Variants in GRM5 observed in about 807,000 individuals in gnomAD.
The protein encoded by GRM5 is glutamate metabotropic receptor 5, also known as metabotropic glutamate receptor 5.
Under a neutral mutation model 83.1 loss-of-function variants are expected in GRM5, and 19 were observed. The observed-to-expected ratio is 0.23, with a 90% CI of 0.16 to 0.34. The LOEUF (loss-of-function observed/expected upper bound fraction) is 0.34. Among genes scored for constraint, GRM5 ranks in the 10% least tolerant of loss-of-function variants. The pLI, the probability that GRM5 is intolerant of heterozygous loss-of-function variation, is 1.00. For synonymous variants in GRM5, 675 were observed against 633.6 expected (o/e 1.07, Z -0.98); for missense variants, 1,160 against 1,588.3 (o/e 0.73, Z 4.58).
intron 3 of GRM5, among the ~76,000 whole-genome samples, chr11:88,788,527 T>C (rs993475054): frequency 8.5e-5 from 13 of 152,306 alleles, no homozygotes; most frequent in Non-Finnish European, 1.9e-4. Context: ...TATCATTTTA[T>C]ATTTTATTCC....
chr11:88,642,826 G>A (rs777125707), intron 4 of GRM5, among the ~76,000 whole-genome samples: 11 of 151,954 alleles, frequency 7.2e-5, no homozygotes, highest in South Asian at 2.1e-4. Context: ...GACTTTATCC[G>A]CCTGAATTTC....
At chr11:88,682,961 A>G (rs1940532293) in intron 3 of GRM5, among the ~76,000 whole-genome samples, 1 of 151,558 alleles carries the variant, frequency 6.6e-6, no homozygotes, top group South Asian at 2.1e-4. Flanking sequence ...TAATCAGCTG[A>G]CATGTTAGGC....
intron 2 of GRM5, among the ~76,000 whole-genome samples, chr11:88,987,742 A>T (rs1270280516): frequency 6.6e-6 from 1 of 151,890 alleles, no homozygotes; most frequent in East Asian, 1.9e-4. Flanking sequence ...ACCCCCCAGC[A>T]GGGGCACACT....
chr11:88,781,371 C>A (rs953960301), intron 3 of GRM5, among the ~76,000 whole-genome samples: 1 of 151,966 alleles, frequency 6.6e-6, no homozygotes. Flanking sequence ...TGGAGATGGA[C>A]CTCACAAGAT....
At chr11:88,679,633 C>A (rs556268105) in intron 3 of GRM5, among the ~76,000 whole-genome samples, 3 of 152,152 alleles carry the variant, frequency 2.0e-5, no homozygotes, top group African/African-American at 7.2e-5. Context: ...TATCCTGGGG[C>A]TCAAATACTT....
chr11:88,759,305 C>T (rs983643639), intron 3 of GRM5, among the ~76,000 whole-genome samples: 1 of 151,974 alleles, frequency 6.6e-6, no homozygotes, highest in African/African-American at 2.4e-5. Context: ...AAGCAAGACC[C>T]AATGTACGGT....
chr11:88,745,965 G>A (rs1005089738), intron 3 of GRM5, among the ~76,000 whole-genome samples: 3 of 152,080 alleles, frequency 2.0e-5, no homozygotes, highest in Non-Finnish European at 2.9e-5. Flanking sequence ...TCTTTAAAAC[G>A]AACCTAAGAT....
chr11:89,008,827 T>C (rs1940602729), intron 2 of GRM5, among the ~76,000 whole-genome samples: 1 of 152,062 alleles, frequency 6.6e-6, no homozygotes, highest in African/African-American at 2.4e-5. Flanking sequence ...TCAAGAAAAA[T>C]CATGTTTAGA....
intron 6 of GRM5, among the ~76,000 whole-genome samples, chr11:88,595,499 T>C (rs1937775191): frequency 6.6e-6 from 1 of 152,226 alleles, no homozygotes. Flanking sequence ...GAACACGTGA[T>C]GTTTAATTTT....
At chr11:88,711,372 C>T (rs1309501118) in intron 3 of GRM5, among the ~76,000 whole-genome samples, 2 of 152,058 alleles carry the variant, frequency 1.3e-5, no homozygotes, top group African/African-American at 4.8e-5. Context: ...TGTGTCAGCT[C>T]CCAAGGCACT....
chr11:89,013,599 T>G (rs2135095147), intron 2 of GRM5, among the ~76,000 whole-genome samples: 1 of 152,282 alleles, frequency 6.6e-6, no homozygotes, highest in African/African-American at 2.4e-5. Context: ...GAGGGCAGAC[T>G]TGCCCCATAC....
intron 7 of GRM5, among the ~76,000 whole-genome samples, chr11:88,585,004 C>G (rs1394507115): frequency 6.6e-6 from 1 of 152,150 alleles, no homozygotes; most frequent in Non-Finnish European, 1.5e-5. Flanking sequence ...ATGTCCTTCT[C>G]CCACCCTTCA....
intron 3 of GRM5, among the ~76,000 whole-genome samples, chr11:88,715,410 C>T (rs1433439499): frequency 7.1e-6 from 1 of 139,916 alleles, no homozygotes; most frequent in Non-Finnish European, 1.5e-5. Flanking sequence ...TTTTAATATC[C>T]CTCCCTGATG....
intron 2 of GRM5, among the ~76,000 whole-genome samples, chr11:88,887,404 G>T (rs1217245517): frequency 6.6e-6 from 1 of 152,050 alleles, no homozygotes. Flanking sequence ...CAACTATTAT[G>T]TAGTTTTTTT....
intron 2 of GRM5, among the ~76,000 whole-genome samples, chr11:88,986,727 C>CTTTTTTTTTTTTTTTTT: frequency 1.1e-5 from 1 of 93,116 alleles, no homozygotes; most frequent in Non-Finnish European, 2.0e-5. Context: ...TTTATTTTTG[C>CTTTTTTTTTTTTTTTTT]TTTTTTTTTT....
intron 2 of GRM5, among the ~76,000 whole-genome samples, chr11:89,019,823 CA>C (rs1940940629): frequency 6.6e-6 from 1 of 152,158 alleles, no homozygotes; most frequent in Non-Finnish European, 1.5e-5. Context: ...AACAGGAAGA[CA>C]AATCAGACAC....
intron 2 of GRM5, among the ~76,000 whole-genome samples, chr11:88,909,378 G>A (rs551035751): frequency 1.3e-3 from 186 of 140,884 alleles, no homozygotes; most frequent in South Asian, 3.9e-3. Flanking sequence ...CTCCAGACTC[G>A]TTCATATTAT....
At chr11:88,825,884 A>T (rs1334198243) in intron 3 of GRM5, among the ~76,000 whole-genome samples, 4 of 152,210 alleles carry the variant, frequency 2.6e-5, no homozygotes, top group Non-Finnish European at 5.9e-5. Flanking sequence ...TCACCTGTTA[A>T]CACAAGGCAT....
At chr11:88,782,697 G>T (rs1481293338) in intron 3 of GRM5, among the ~76,000 whole-genome samples, 2 of 152,102 alleles carry the variant, frequency 1.3e-5, no homozygotes, top group Non-Finnish European at 2.9e-5. Context: ...AAATTGGAAA[G>T]CTTTAGGTTT....
Sources: gnomAD v4.1 joint callset for allele counts (sites outside exome capture counted in the v4.1 genomes callset) on GRCh38, gnomAD v4.1.1 for gene constraint, MANE v1.5 for transcripts, NCBI Gene and HGNC (gene_info 2026-07-23, HGNC 2026-07-21) for gene names.